The following GGA2 variants were observed in gnomAD, a reference collection of about 807,000 sequenced individuals.
GGA2 encodes the protein ADP-ribosylation factor-binding protein GGA2.
In GGA2, 48 loss-of-function variants were observed where a neutral mutation model predicts 79.5. That is an observed-to-expected ratio of 0.60 (90% CI 0.48 to 0.77). GGA2 has a LOEUF of 0.77. Ranked by LOEUF, GGA2 falls within the 30% of genes least tolerant of loss-of-function variation. The pLI, the probability that GGA2 is intolerant of heterozygous loss-of-function variation, is 0.00. For missense variants in GGA2, 770 were observed against 774.0 expected, an observed-to-expected ratio of 0.99 and a Z score of 0.06; for synonymous variants, 317 against 302.0, an observed-to-expected ratio of 1.05 and a Z score of -0.51.
chr16:23,501,179 T>G (rs1964917780), intron 1 of GGA2: 1 of 445,588 alleles, frequency 2.2e-6, no homozygotes, highest in Admixed American at 2.5e-5. Context: ...GACATTTCTG[T>G]ACTCTTTTTC....
chr16:23,486,132 C>T lies in GGA2; in HGVS notation c.681G>A (p.Lys227=). The T allele has an allele frequency of 6.2e-7, 1 of 1,613,986 alleles. No individual in the cohort carries two copies. Among genetic ancestry groups the T allele is most frequent in the Non-Finnish European group, 8.5e-7 (1 of 1,179,872 alleles). Residue 227 remains lysine (K), a synonymous_variant, in exon 8 of 17, where the codon AAG becomes AAA. Transcript: ENST00000309859. ...CCACCGCACTGACCCTCTTGGACAC[C>T]TTCTCCGATTTTTCTTGTTCCTTTT... is the stretch of plus-strand genomic sequence containing the variant. ...LVKEEQEKSE[K]VSKRVSAVEE... is the part of the protein sequence containing the mutation.
chr16:23,514,230 C>T (rs927603902), upstream of GGA2, among the ~76,000 whole-genome samples: 10 of 151,876 alleles, frequency 6.6e-5, no homozygotes, highest in African/African-American at 2.4e-4. Context: ...CTCAGTCTCC[C>T]GAGTAGCTGG....
chr16:23,509,197 C>G (rs1381152536), intron 1 of GGA2, among the ~76,000 whole-genome samples: 2 of 152,214 alleles, frequency 1.3e-5, no homozygotes, highest in African/African-American at 4.8e-5. Context: ...ACATAAACTC[C>G]TTTCTGCAGC....
chr16:23,477,097 A>G (rs1359668092), intron 13 of GGA2, among the ~76,000 whole-genome samples: 2 of 152,156 alleles, frequency 1.3e-5, no homozygotes, highest in African/African-American at 4.8e-5. Flanking sequence ...GACTACAGTC[A>G]TGACCTACCA....
intron 14 of GGA2, among the ~76,000 whole-genome samples, chr16:23,471,947 A>G (rs1488776452): frequency 1.3e-5 from 2 of 152,320 alleles, no homozygotes; most frequent in East Asian, 3.9e-4. Flanking sequence ...TAGTTTAACA[A>G]TGAAACTACC....
upstream of GGA2, among the ~76,000 whole-genome samples, chr16:23,511,895 G>C (rs577910417): frequency 6.6e-6 from 1 of 152,274 alleles, no homozygotes; most frequent in Non-Finnish European, 1.5e-5. Context: ...GGCAAAACTG[G>C]CTTTTCGACC....
Position 23,510,359 on chromosome 16 carries a change from C to T in GGA2, c.53G>A (p.Gly18Asp), listed in dbSNP as rs1965025833. 1 of 1,432,312 alleles carries T rather than the reference C, an allele frequency of 7.0e-7. No homozygotes were observed. Among genetic ancestry groups the T allele is most frequent in the Non-Finnish European group, 9.2e-7 (1 of 1,092,864 alleles). The allele number at this position is 1,432,312 out of a possible 1,614,324, so 88.7% of individuals were successfully genotyped here. A position where few individuals can be genotyped will look rare whatever the true frequency, so the allele number is the denominator to read the frequency against. The change falls in exon 1 of 17, where the codon GGT (glycine) becomes GAT (aspartate). Residue 18 changes from glycine (G) to aspartate (D), a missense_variant. Coordinates refer to ENST00000309859, the MANE Select transcript of GGA2 (RefSeq NM_015044.4). ...CAGCGACGCTGCCGGGCCCGGGGGA[C>T]CCTGGGCCGACTCGGTTCCCGCCAC... ...AAVAGTESAQGPPGPAASLEL... is the reference protein window; with the variant it reads ...AAVAGTESAQDPPGPAASLEL...
Position 23,467,709 on chromosome 16 carries a change from G to A in GGA2, c.1732-9C>T, listed in dbSNP as rs1964459409. 1.5e-6 allele frequency: 2 copies of A among 1,352,172 alleles called. No individual in the cohort carries two copies. Among genetic ancestry groups the A allele is most frequent in the South Asian group, 2.3e-5 (2 of 85,572 alleles). 83.8% of individuals were successfully genotyped at this position (1,352,172 alleles called of 1,614,324 possible). A position where few individuals can be genotyped will look rare whatever the true frequency, so the allele number is the denominator to read the frequency against. On this transcript the variant is annotated splice_polypyrimidine_tract_variant and intron_variant, in intron 16 of 16. Coordinates refer to ENST00000309859, the MANE Select transcript of GGA2 (RefSeq NM_015044.4). The stretch of plus-strand genomic sequence containing the variant: ...CGTAAGCGGATAGGTTCCTGGGACA[G>A]AAGAGACAGAAGATGTCAAATCAGT...
intron 10 of GGA2, 48 bp from the exon 11 acceptor site, chr16:23,479,935 A>G: frequency 6.3e-7 from 1 of 1,596,942 alleles, no homozygotes; most frequent in Non-Finnish European, 8.6e-7. Context: ...CATGAGAGCA[A>G]AGTCTCCACA....
upstream of GGA2, among the ~76,000 whole-genome samples, chr16:23,510,766 G>C (rs1965038827): frequency 6.6e-6 from 1 of 152,226 alleles, no homozygotes; most frequent in African/African-American, 2.4e-5. Context: ...GAGTCCAATG[G>C]CGCGATCACG....
At chr16:23,503,107 T>C (rs2142141374) in intron 1 of GGA2, among the ~76,000 whole-genome samples, 1 of 152,344 alleles carries the variant, frequency 6.6e-6, no homozygotes, top group South Asian at 2.1e-4. Flanking sequence ...GGAGTTACCT[T>C]TCCTTTCCTT....
upstream of GGA2, among the ~76,000 whole-genome samples, chr16:23,512,700 C>CTTTTTTTTT (rs34027000): frequency 1.8e-5 from 1 of 55,926 alleles, no homozygotes; most frequent in African/African-American, 7.8e-5. Context: ...TAAAGAAAAT[C>CTTTTTTTTT]TTTTTTTTTT....
intron 15 of GGA2, 101 bp downstream of exon 15, chr16:23,469,895 G>A: frequency 1.2e-6 from 1 of 845,080 alleles, no homozygotes; most frequent in South Asian, 2.4e-5. Context: ...GTTAGTTTGA[G>A]TGAAGATTCT....
At chr16:23,490,628 G>A (rs977574208) in intron 5 of GGA2, among the ~76,000 whole-genome samples, 1 of 151,646 alleles carries the variant, frequency 6.6e-6, no homozygotes, top group Admixed American at 6.6e-5. Context: ...CCAGCTACTC[G>A]AGAAGCTGAG....
chr16:23,494,324 C>A lies in GGA2; in HGVS notation c.231G>T (p.Lys77Asn). The change falls in exon 3 of 17, where the codon AAG (lysine) becomes AAT (asparagine). Residue 77 changes from lysine (K) to asparagine (N), a missense_variant. Lys to Asn is a moderately conservative substitution (Grantham distance 94). Transcript: ENST00000309859. The stretch of plus-strand genomic sequence containing the variant: ...TCACCGTTAAGGCATAAAGAGCTTC[C>A]TTCTCTTGCGGAGACTGGATCTTGT... ...LAHKIQSPQE[K>N]EALYALTVLE... 6.2e-7 allele frequency: 1 copy of A among 1,612,166 alleles called. No individual in the cohort carries two copies. The highest frequency in any genetic ancestry group is 8.5e-7 in the Non-Finnish European group (1 of 1,178,176).
intron 14 of GGA2, among the ~76,000 whole-genome samples, chr16:23,471,193 T>C (rs1193433055): frequency 6.6e-6 from 1 of 152,006 alleles, no homozygotes; most frequent in East Asian, 1.9e-4. Flanking sequence ...TCTGGTCTCT[T>C]TTATATGAGT....
At chr16:23,476,713 G>A (rs1169893738) in intron 13 of GGA2, among the ~76,000 whole-genome samples, 7 of 152,100 alleles carry the variant, frequency 4.6e-5, no homozygotes, top group Non-Finnish European at 1.5e-5. Context: ...AAGCAAAAAA[G>A]GAACGTTCAA....
chr16:23,507,422 G>A (rs1358050742), intron 1 of GGA2, among the ~76,000 whole-genome samples: 2 of 152,218 alleles, frequency 1.3e-5, no homozygotes, highest in African/African-American at 2.4e-5. Context: ...GAGGTCAGGA[G>A]TTTGAGACCA....
chr16:23,468,716 C>T (rs1268772253), intron 16 of GGA2, among the ~76,000 whole-genome samples, 170 bp downstream of exon 16: 3 of 152,028 alleles, frequency 2.0e-5, no homozygotes, highest in African/African-American at 7.2e-5. Flanking sequence ...TCAGGTGGTC[C>T]ACCTGCCTCA....
Sources: gnomAD v4.1 joint callset for allele counts (sites outside exome capture counted in the v4.1 genomes callset) on GRCh38, gnomAD v4.1.1 for gene constraint, MANE v1.5 for transcripts, NCBI Gene and HGNC (gene_info 2026-07-23, HGNC 2026-07-21) for gene names.